The following TEP1 variants were observed in gnomAD, a reference collection of about 807,000 sequenced individuals.
TEP1 encodes the protein telomerase associated protein 1, also known as telomerase protein component 1.
In TEP1, 241 loss-of-function variants were observed where a neutral mutation model predicts 306.3. The observed-to-expected ratio is 0.79, with a 90% CI of 0.71 to 0.88. TEP1 has a LOEUF of 0.88. Among genes scored for constraint, TEP1 ranks in the 40% least tolerant of loss-of-function variants. The pLI, the probability that TEP1 is intolerant of heterozygous loss-of-function variation, is 0.00. For missense variants in TEP1, 3,051 were observed against 3,276.1 expected (o/e 0.93, Z 1.68); for synonymous variants, 1,289 against 1,305.5 (o/e 0.99, Z 0.27).
rs768765678 is a variant in TEP1 at position 20,376,105 on chromosome 14, C to T, written c.6248G>A (p.Arg2083Gln). 17 of 1,613,488 alleles carry T rather than the reference C, an allele frequency of 1.1e-5. No individual in the cohort carries two copies. Among genetic ancestry groups the T allele is most frequent in the South Asian group, 4.4e-5 (4 of 91,036 alleles). Residue 2083 changes from arginine to glutamine, a missense_variant and splice_region_variant, in exon 42 of 55, where the codon CGG (arginine) becomes CAG (glutamine). Physicochemically the swap from Arg to Gln is conservative, Grantham distance 43. Transcript: ENST00000262715. ...GGGTTGCATCCTTCTGCAGCTCACC[C>T]GATCCCGGCCCCCGGTGGCCAGGCT... is the stretch of plus-strand genomic sequence containing the variant. ...GGSLATGGRD[R>Q]SLLCWDVRTP...
rs1594318913 is a variant in TEP1, at chr14:20,371,542, T to C, written c.7167A>G (p.Lys2389=). Residue 2389 remains lysine (K), a synonymous_variant, in exon 50 of 55, where the codon AAA becomes AAG. Transcript: ENST00000262715. The part of the protein sequence containing the change: ...APDGHFLILA[K]ADLKLLCMKP... ...TCATGCAAAGTAACTTCAAATCTGC[T>C]TTGGCCAAGATGAGAAAGTGACCAT... The C allele has an allele frequency of 6.2e-7, 1 of 1,608,712 alleles. No homozygotes were observed. Among genetic ancestry groups the C allele is most frequent in the Non-Finnish European group, 8.5e-7 (1 of 1,178,882 alleles).
In TEP1 at chr14:20,381,833, T is replaced by C. The variant is rs1366238766; in HGVS notation, c.4424+80A>G. 2.0e-5 allele frequency: 31 copies of C among 1,560,304 alleles called. No homozygotes were observed. Among genetic ancestry groups the C allele is most frequent in the Non-Finnish European group, 2.6e-5 (30 of 1,155,588 alleles). Reference sequence around the variant, plus strand: ...TCATTCATGGTCTGGGAGCCAGTTGTTGAAGCTATACAGAGGGCCCCGGCT... The same window carrying C: ...TCATTCATGGTCTGGGAGCCAGTTGCTGAAGCTATACAGAGGGCCCCGGCT... On this transcript the variant is annotated intron_variant, in intron 30 of 54. Transcript: ENST00000262715. The surrounding 1 kb of genome is among the most constrained non-coding windows in gnomAD (Gnocchi z 4.0).
intron 33 of TEP1, among the ~76,000 whole-genome samples, chr14:20,380,699 G>C (rs972044116): frequency 6.6e-6 from 1 of 152,224 alleles, no homozygotes; most frequent in Non-Finnish European, 1.5e-5. Flanking sequence ...AAGTTTCCTA[G>C]ATAGTTTTAT....
In TEP1 at chr14:20,407,891, T is replaced by C; in HGVS notation, c.549A>G (p.Thr183=). The C allele has an allele frequency of 6.3e-7, 1 of 1,597,848 alleles. No individual in the cohort carries two copies. Among genetic ancestry groups the C allele is most frequent in the South Asian group, 1.1e-5 (1 of 89,942 alleles). Residue 183 remains threonine (T), a synonymous_variant, in exon 2 of 55, where the codon ACA becomes ACG. Coordinates refer to ENST00000262715, the MANE Select transcript of TEP1 (RefSeq NM_007110.5). ...IALKSISATE[T]AQEATLGRWF... ...CTATTACCAAAGTTGCTTCCTGAGC[T>C]GTCTCTGTGGCAGAGATGGATTTCA...
At chr14:20,398,873 C>T (rs1878438516) in intron 9 of TEP1, among the ~76,000 whole-genome samples, 1 of 151,998 alleles carries the variant, frequency 6.6e-6, no homozygotes, top group South Asian at 2.1e-4. Context: ...TTTCAGCCCT[C>T]TGGAAGTCTT....
At chr14:20,374,572 G>C (rs200593200) in intron 43 of TEP1, 36 bp from the exon 44 acceptor site, 23 of 1,498,798 alleles carry the variant, frequency 1.5e-5, no homozygotes, top group Non-Finnish European at 2.1e-5. Flanking sequence ...GGGATTATCA[G>C]CATCCCTCCA....
chr14:20,380,746 A>G (rs567940650), intron 33 of TEP1, among the ~76,000 whole-genome samples, 185 bp downstream of exon 33: 4 of 152,368 alleles, frequency 2.6e-5, no homozygotes, highest in Non-Finnish European at 4.4e-5. Context: ...CTGGTCCAAG[A>G]GATCAAGGTG....
intron 40 of TEP1, 33 bp from the exon 41 acceptor site, chr14:20,377,525 A>G (rs781117929): frequency 6.2e-7 from 1 of 1,612,132 alleles, no homozygotes; most frequent in Non-Finnish European, 8.5e-7. Flanking sequence ...GGAGTAAGAC[A>G]CTTGGGAAGG....
chr14:20,395,732 TG>T, intron 11 of TEP1, 105 bp from the exon 12 acceptor site: 1 of 1,505,316 alleles, frequency 6.6e-7, no homozygotes, highest in Non-Finnish European at 9.1e-7. Flanking sequence ...GGCAAGTGCC[TG>T]ACCTCTGCCC....
chr14:20,390,441 G>A (rs1481122995), intron 15 of TEP1, among the ~76,000 whole-genome samples: 1 of 152,138 alleles, frequency 6.6e-6, no homozygotes, highest in African/African-American at 2.4e-5. Flanking sequence ...AATCAGCCAC[G>A]GTAGGACTGT....
intron 53 of TEP1, 136 bp from the exon 54 acceptor site, chr14:20,369,038 C>T (rs956190864): frequency 1.3e-5 from 9 of 694,398 alleles, no homozygotes; most frequent in Admixed American, 2.7e-5. Flanking sequence ...ACAAGAGTCT[C>T]GCTCTGTCGC....
chr14:20,384,570 T>A (rs769436134), intron 22 of TEP1, 30 bp downstream of exon 22: 1 of 1,613,696 alleles, frequency 6.2e-7, no homozygotes, highest in Non-Finnish European at 8.5e-7. Flanking sequence ...CACATCTCTG[T>A]ACAGGTGCTC....
chr14:20,408,128 G>T lies in TEP1; in HGVS notation c.312C>A (p.Ile104=), dbSNP rs759726973. Residue 104 remains isoleucine, a synonymous_variant, in exon 2 of 55, where the codon ATC becomes ATA. Coordinates refer to ENST00000262715, the MANE Select transcript of TEP1 (RefSeq NM_007110.5). ...CCAGGCACCGGTTCTCCAAGGAGAG[G>T]ATGTCTGGGTGGGCAGAAACATGTC... ...PHGHVSAHPD[I]LSLENRCLAT... 6.2e-7 allele frequency: 1 copy of T among 1,609,950 alleles called. No individual in the cohort carries two copies. Among genetic ancestry groups the T allele is most frequent in the Admixed American group, 1.7e-5 (1 of 59,560 alleles).
chr14:20,389,717 G>C lies in TEP1; in HGVS notation c.2358C>G (p.Gly786=), dbSNP rs774383904. The change falls in exon 16 of 55, where the codon GGC becomes GGG. Residue 786 remains glycine, a synonymous_variant. Transcript: ENST00000262715. ...TTATCATTCCATCATCCATGCTTTG[G>C]CCAAGGAGGATGACCCTGTCCACCT... The part of the protein sequence containing the change: ...RVPVDRVILL[G]QSMDDGMINV... The C allele has an allele frequency of 6.2e-7, 1 of 1,614,204 alleles. No individual in the cohort carries two copies.
chr14:20,396,771 A>C (rs912539841), intron 9 of TEP1, 41 bp from the exon 10 acceptor site: 5 of 1,447,694 alleles, frequency 3.5e-6, no homozygotes, highest in Non-Finnish European at 3.8e-6. Flanking sequence ...ACAAATGAGA[A>C]GGCCAGGCAC....
At chr14:20,409,695 T>C (rs1232465545) in intron 1 of TEP1, among the ~76,000 whole-genome samples, 1 of 152,262 alleles carries the variant, frequency 6.6e-6, no homozygotes, top group South Asian at 2.1e-4. Flanking sequence ...TTAAATTCTC[T>C]GTGTCTCTAG....
At chr14:20,383,710 TCAA>T (rs751487541) in intron 25 of TEP1, 30 bp downstream of exon 25, 3 of 1,608,356 alleles carry the variant, frequency 1.9e-6, no homozygotes, top group East Asian at 4.5e-5. Flanking sequence ...TACGTGGGCA[TCAA>T]CAAGGCTGGG....
At chr14:20,411,214 C>T (rs1342944247) in intron 1 of TEP1, among the ~76,000 whole-genome samples, 1 of 152,194 alleles carries the variant, frequency 6.6e-6, no homozygotes, top group Non-Finnish European at 1.5e-5. Context: ...CAAAACCCGA[C>T]TTCCGGTCAC....
In TEP1 at chr14:20,404,687, C is replaced by T. The variant is rs755785677; in HGVS notation, c.956G>A (p.Arg319His). The change falls in exon 5 of 55, where the codon CGC (arginine) becomes CAC (histidine). Residue 319 changes from arginine (R) to histidine (H), a missense_variant. Around this residue, in one of 3 missense-constraint regions of TEP1, gnomAD observed 1,507 missense variants for 1,550.5 expected, o/e 0.97. Coordinates refer to ENST00000262715, the MANE Select transcript of TEP1 (RefSeq NM_007110.5). ...LAIAAFLPAC[R>H]PHLRRYFCAI... The stretch of plus-strand genomic sequence containing the variant: ...ACAGAAATATCGTCGCAGGTGGGGG[C>T]GACACGCCGGCAAGAAAGCAGCAAT... The T allele has an allele frequency of 3.3e-5, 54 of 1,613,950 alleles. No homozygotes were observed. Among genetic ancestry groups the T allele is most frequent in the East Asian group, 1.6e-4 (7 of 44,874 alleles).
Sources: gnomAD v4.1 joint callset for allele counts (sites outside exome capture counted in the v4.1 genomes callset) on GRCh38, gnomAD v4.1.1 for gene constraint, gnomAD v4.1.1 regional missense constraint, Gnocchi (gnomAD v3.1) non-coding constraint, MANE v1.5 for transcripts, NCBI Gene and HGNC (gene_info 2026-07-23, HGNC 2026-07-21) for gene names.